The following RAB27A variants were observed in gnomAD, a reference collection of about 807,000 sequenced individuals.
RAB27A encodes the protein RAB27A, member RAS oncogene family.
RAB27A carries 17 observed loss-of-function variants against 20.8 expected under a neutral mutation model. That is an observed-to-expected ratio of 0.82 (90% CI 0.56 to 1.23). The LOEUF is 1.23. RAB27A is among the 50% of genes most tolerant of loss of function. The pLI, the probability that RAB27A is intolerant of heterozygous loss-of-function variation, is 0.00. For missense variants in RAB27A, 277 were observed against 266.7 expected (o/e 1.04, Z -0.27); for synonymous variants, 85 against 92.8 (o/e 0.92, Z 0.48).
At chr15:55,316,199 C>T (rs992261809) in intron 1 of RAB27A, among the ~76,000 whole-genome samples, 6 of 147,282 alleles carry the variant, frequency 4.1e-5, no homozygotes, top group East Asian at 2.0e-4. Flanking sequence ...TGCGCCACTG[C>T]GCTCCAGCCT....
At chr15:55,295,988 C>T (rs1046200680) in intron 2 of RAB27A, among the ~76,000 whole-genome samples, 38 of 151,338 alleles carry the variant, frequency 2.5e-4, no homozygotes, top group Non-Finnish European at 4.7e-4. Context: ...CCTCCGCCTT[C>T]CGGTTTCAAG....
At chr15:55,233,040 A>T (rs1354867555) in intron 3 of RAB27A, among the ~76,000 whole-genome samples, 1 of 152,076 alleles carries the variant, frequency 6.6e-6, no homozygotes, top group African/African-American at 2.4e-5. Flanking sequence ...CAGGAGAATC[A>T]CTTGAACCTG....
Position 55,223,254 on chromosome 15 carries a change from C to A in RAB27A, c.467+635G>T, listed in dbSNP as rs142319890. ...GGGTGTGGTGGCTCATACCTGTAAT[C>A]CCAGCACTTTGGGAGGCTGAGGCGG... On this transcript the variant is annotated intron_variant, in intron 6 of 6. Coordinates refer to ENST00000336787, the MANE Select transcript of RAB27A (RefSeq NM_183235.3). Among the ~76,000 whole-genome samples, 403 of 152,154 alleles carry A rather than the reference C, an allele frequency of 2.6e-3. 2 individuals carry two copies. The highest frequency in any genetic ancestry group is 4.8e-3 in the Non-Finnish European group (324 of 68,000).
intron 4 of RAB27A, 129 bp downstream of exon 4, chr15:55,230,272 G>C: frequency 1.2e-6 from 1 of 843,022 alleles, no homozygotes; most frequent in Admixed American, 1.8e-5. Flanking sequence ...CAAATTTCCT[G>C]CTAATTTGGC....
intron 1 of RAB27A, among the ~76,000 whole-genome samples, chr15:55,275,735 A>C (rs1392280258): frequency 6.6e-6 from 1 of 152,024 alleles, no homozygotes; most frequent in Non-Finnish European, 1.5e-5. Context: ...AATACCAAAA[A>C]AACAACCCCC....
At chr15:55,290,887 A>C (rs988885385), upstream of RAB27A, among the ~76,000 whole-genome samples, 4 of 152,212 alleles carry the variant, frequency 2.6e-5, no homozygotes, top group African/African-American at 9.6e-5. Context: ...TCTGCCTTCT[A>C]AGCCGTCTCG....
chr15:55,276,545 G>A (rs995186730), intron 1 of RAB27A, among the ~76,000 whole-genome samples: 7 of 151,976 alleles, frequency 4.6e-5, no homozygotes, highest in South Asian at 4.1e-4. Flanking sequence ...ACTCCAGCCC[G>A]GGCAGCGGAG....
At chr15:55,310,249 T>C (rs562844121) in intron 2 of RAB27A, among the ~76,000 whole-genome samples, 61 of 152,270 alleles carry the variant, frequency 4.0e-4, no homozygotes, top group African/African-American at 1.4e-3. Context: ...TGGAGGACAG[T>C]TGTCCAGGAC....
At chr15:55,316,424 CGGGGGCGGGTG>C in intron 1 of RAB27A, among the ~76,000 whole-genome samples, 1 of 3,440 alleles carries the variant, frequency 2.9e-4, no homozygotes, top group East Asian at 7.7e-3. Context: ...TGGGGCCTGT[CGGGGGCGGGTG>C]GGGGGCAAGG....
Position 55,227,696 on chromosome 15 carries a change from G to C in RAB27A, c.343+913C>G, listed in dbSNP as rs1895865631. Among the ~76,000 whole-genome samples the C allele has an allele frequency of 2.6e-5, 4 of 152,286 alleles. No homozygotes were observed. The South Asian group carries it at 8.3e-4, about 32-fold the overall frequency. ...ACCCGAATCTTTGCCCAGGGTGATT[G>C]TGAGGATCAGATACAAAGTATGTGA... is the stretch of plus-strand genomic sequence containing the variant. On this transcript the variant is annotated intron_variant, in intron 5 of 6. Transcript: ENST00000336787.
intron 2 of RAB27A, among the ~76,000 whole-genome samples, chr15:55,265,237 G>A (rs902405799): frequency 2.0e-5 from 3 of 151,204 alleles, no homozygotes; most frequent in African/African-American, 7.3e-5. Flanking sequence ...GTAAAACTCT[G>A]TCTCAAAGAA....
At chr15:55,214,240 T>C (rs187266702) in intron 6 of RAB27A, among the ~76,000 whole-genome samples, 70 of 152,226 alleles carry the variant, frequency 4.6e-4, no homozygotes, top group Admixed American at 4.0e-3. Flanking sequence ...ATCGAGACCA[T>C]CCTGGCTAAC....
chr15:55,315,068 T>C (rs1398685528), intron 1 of RAB27A, among the ~76,000 whole-genome samples: 8 of 152,052 alleles, frequency 5.3e-5, no homozygotes, highest in East Asian at 3.9e-4. Flanking sequence ...AACAGAGACA[T>C]AGACAAATGG....
intron 1 of RAB27A, among the ~76,000 whole-genome samples, chr15:55,289,513 A>G (rs1566937648): frequency 6.6e-6 from 1 of 152,140 alleles, no homozygotes; most frequent in Non-Finnish European, 1.5e-5. Flanking sequence ...CCTGGCCAGC[A>G]CCAGGCAGTT....
At position 55,205,362 on chromosome 15, in the gene RAB27A, C is replaced by G; in HGVS notation, c.*145G>C. On this transcript the variant is annotated 3_prime_UTR_variant, in exon 7 of 7. Coordinates refer to ENST00000336787, the MANE Select transcript of RAB27A (RefSeq NM_183235.3). ...AGCTGCAACAAATTAATTTTAGAAC[C>G]GGATGCTTTATTCGTAGGTCTAATG... 1.1e-5 allele frequency: 9 copies of G among 797,132 alleles called. No homozygotes were observed. Among genetic ancestry groups the G allele is most frequent in the Non-Finnish European group, 1.9e-5 (9 of 466,536 alleles). 49.4% of individuals were successfully genotyped at this position (797,132 alleles called of 1,614,324 possible). A position where few individuals can be genotyped will look rare whatever the true frequency, so the allele number is the denominator to read the frequency against.
rs184233852 is a variant in RAB27A at position 55,210,030 on chromosome 15, A to G, written c.468-4325T>C. Among the ~76,000 whole-genome samples the G allele has an allele frequency of 2.8e-3, 394 of 142,722 alleles. 4 individuals are homozygous for G. The highest frequency in any genetic ancestry group is 4.3e-3 in the Admixed American group (63 of 14,488). 93.6% of individuals were successfully genotyped at this position (142,722 alleles called of 152,430 possible). On this transcript the variant is annotated intron_variant, in intron 6 of 6. Coordinates refer to ENST00000336787, the MANE Select transcript of RAB27A (RefSeq NM_183235.3). ...TACATGTACATATATACGCATATATATGTGTGTGTACATGTACATATATAC... is the reference window on the plus strand; with the variant it reads ...TACATGTACATATATACGCATATATGTGTGTGTGTACATGTACATATATAC...
At chr15:55,296,037 C>G (rs2054947284) in intron 2 of RAB27A, among the ~76,000 whole-genome samples, 1 of 151,598 alleles carries the variant, frequency 6.6e-6, no homozygotes, top group Admixed American at 6.6e-5. Flanking sequence ...GCTGGGACCA[C>G]AGGCACCCGC....
At chr15:55,263,626 G>T (rs544619750) in intron 2 of RAB27A, among the ~76,000 whole-genome samples, 2 of 152,258 alleles carry the variant, frequency 1.3e-5, no homozygotes, top group South Asian at 4.1e-4. Flanking sequence ...AAGGAATAAC[G>T]TTTATGCATT....
At chr15:55,298,878 C>G (rs2054960303) in intron 2 of RAB27A, among the ~76,000 whole-genome samples, 1 of 152,222 alleles carries the variant, frequency 6.6e-6, no homozygotes, top group Non-Finnish European at 1.5e-5. Flanking sequence ...AAATATGGCT[C>G]TGTTCTGCCT....
Sources: gnomAD v4.1 joint callset for allele counts (sites outside exome capture counted in the v4.1 genomes callset) on GRCh38, gnomAD v4.1.1 for gene constraint, MANE v1.5 for transcripts, NCBI Gene and HGNC (gene_info 2026-07-23, HGNC 2026-07-21) for gene names.